IFT172: variants seen among roughly 807,000 people sequenced by gnomAD.
IFT172 encodes the protein intraflagellar transport 172.
Under a neutral mutation model 248.9 loss-of-function variants are expected in IFT172, and 164 were observed. The observed-to-expected ratio is 0.66, with a 90% CI of 0.58 to 0.75. IFT172 has a LOEUF of 0.75. Ranked by LOEUF, IFT172 falls within the 30% of genes least tolerant of loss-of-function variation. IFT172 has a pLI of 0.00. For missense variants in IFT172, 1,950 were observed against 2,192.4 expected, an observed-to-expected ratio of 0.89 and a Z score of 2.21; for synonymous variants, 729 against 791.6, an observed-to-expected ratio of 0.92 and a Z score of 1.33.
chr2:27,453,513 C>T lies in IFT172; in HGVS notation c.3822G>A (p.Arg1274=). ...CTTGTTCCACAAATCCCTCCACACC[C>T]CTGTGGAGATGAGAGCGCTGGGACT... ...YEREATKKGA[R]GVEGFVEQAR... Residue 1274 remains arginine (R), a splice_region_variant and synonymous_variant, in exon 35 of 48, where the codon AGG becomes AGA. Coordinates refer to ENST00000260570, the MANE Select transcript of IFT172 (RefSeq NM_015662.3). 1 of 1,614,004 alleles carries T rather than the reference C, an allele frequency of 6.2e-7. No homozygotes were observed. The highest frequency in any genetic ancestry group is 8.5e-7 in the Non-Finnish European group (1 of 1,179,868).
At chr2:27,465,604 G>T in intron 17 of IFT172, 86 bp from the exon 18 acceptor site, 1 of 1,531,854 alleles carries the variant, frequency 6.5e-7, no homozygotes, top group Non-Finnish European at 9.0e-7. Flanking sequence ...CAAGGGGAGG[G>T]GGAAGGGCCA....
chr2:27,458,462 C>T lies in IFT172; in HGVS notation c.2878-239G>A, dbSNP rs140851011. On this transcript the variant is annotated intron_variant, in intron 26 of 47. Transcript: ENST00000260570. ...GCTGGGGCATACACTCCCATTACCACGGTAACCACTGGACTCTGAAGTGTA... is the reference window on the plus strand; with the variant it reads ...GCTGGGGCATACACTCCCATTACCATGGTAACCACTGGACTCTGAAGTGTA... Among the ~76,000 whole-genome samples the T allele has an allele frequency of 5.0e-4, 76 of 152,212 alleles. 1 individual carries two copies. The highest frequency in any genetic ancestry group is 3.3e-3 in the Admixed American group (51 of 15,278).
intron 19 of IFT172, 106 bp downstream of exon 19, chr2:27,462,991 G>C (rs973381625): frequency 1.4e-5 from 19 of 1,351,250 alleles, no homozygotes; most frequent in Admixed American, 3.6e-5. Flanking sequence ...GGGTGGGCAG[G>C]GTAAAGGAAA....
chr2:27,445,004 C>T lies in IFT172; in HGVS notation c.5160+10G>A, dbSNP rs766529492. ...TCTCTGCCTTCATTCTCCAAGTCCT[C>T]CTCTCTAACCTTGATGGCCATAAGG... On this transcript the variant is annotated intron_variant, in intron 47 of 47. Transcript: ENST00000260570. The surrounding 1 kb of genome is among the most constrained non-coding windows in gnomAD (Gnocchi z 4.4). The T allele has an allele frequency of 6.2e-6, 10 of 1,612,660 alleles. No homozygotes were observed. Among genetic ancestry groups the T allele is most frequent in the Non-Finnish European group, 8.5e-6 (10 of 1,179,562 alleles).
Position 27,485,398 on chromosome 2 carries a change from G to A in IFT172, c.145C>T (p.Arg49Trp), listed in dbSNP as rs141043554. Residue 49 changes from arginine to tryptophan, a missense_variant, in exon 2 of 48, where the codon CGG becomes TGG. Arg to Trp is a moderately radical substitution (Grantham distance 101). Transcript: ENST00000260570. ...GGTTTGGTGGAGAATTTATCTCTCC[G>A]TTCTCCATGTTCATCATACAGCAAG... ...VVLLYDEHGE[R>W]RDKFSTKPAD... is the part of the protein sequence containing the mutation. The A allele has an allele frequency of 1.4e-4, 225 of 1,613,996 alleles. No individual in the cohort carries two copies. The highest frequency in any genetic ancestry group is 1.8e-4 in the Non-Finnish European group (216 of 1,180,050).
intron 14 of IFT172, among the ~76,000 whole-genome samples, chr2:27,473,552 C>A (rs985111903): frequency 6.6e-6 from 1 of 151,196 alleles, no homozygotes; most frequent in South Asian, 2.1e-4. Flanking sequence ...CCTCGTGATC[C>A]GCCTGTCTCA....
At position 27,445,904 on chromosome 2, in the gene IFT172, C is replaced by G; in HGVS notation, c.4815+25G>C. 1 of 1,614,244 alleles carries G rather than the reference C, an allele frequency of 6.2e-7. No individual in the cohort carries two copies. Among genetic ancestry groups the G allele is most frequent in the Non-Finnish European group, 8.5e-7 (1 of 1,180,050 alleles). On this transcript the variant is annotated intron_variant, in intron 44 of 47. Transcript: ENST00000260570. The surrounding 1 kb of genome is among the most constrained non-coding windows in gnomAD (Gnocchi z 4.4). ...CTCGCGACTGGCAAAAACCTCCACC[C>G]TCGGGGCACAGCTTCCCTACTCACA...
Position 27,450,061 on chromosome 2 carries a change from T to C in IFT172, c.3987A>G (p.Gln1329=), listed in dbSNP as rs768705269. 2.5e-5 allele frequency: 41 copies of C among 1,614,152 alleles called. No individual in the cohort carries two copies. In the East Asian group the frequency reaches 5.3e-4, roughly 21 times the overall value. Residue 1329 remains glutamine, a synonymous_variant, in exon 36 of 48, where the codon CAA becomes CAG. Coordinates refer to ENST00000260570, the MANE Select transcript of IFT172 (RefSeq NM_015662.3). ...CAGCCAGAACGACTTCCATATTACG[T>C]TGGGGAGGCAGAAACTTGATGGAGA... ...AELSIKFLPP[Q]RNMEVVLAVG...
Position 27,483,330 on chromosome 2 carries a change from C to A in IFT172, c.529G>T (p.Val177Phe), listed in dbSNP as rs754880269. 6 of 1,608,174 alleles carry A rather than the reference C, an allele frequency of 3.7e-6. No homozygotes were observed. The highest frequency in any genetic ancestry group is 5.1e-6 in the Non-Finnish European group (6 of 1,174,598). ...CCTTCATCATCAAAGAAATACCTAA[C>A]GATGGTACCATCTGCATGACCAGAG... is the stretch of plus-strand genomic sequence containing the variant. Reference protein sequence around the residue: ...ILSGHADGTIVRYFFDDEGSG... With the variant: ...ILSGHADGTIFRYFFDDEGSG... The change falls in exon 7 of 48, where the codon GTT becomes TTT. Residue 177 changes from valine (V) to phenylalanine (F), a missense_variant. Around this residue, in one of 3 missense-constraint regions of IFT172, gnomAD observed 1,166 missense variants for 1,254.1 expected, o/e 0.93. Coordinates refer to ENST00000260570, the MANE Select transcript of IFT172 (RefSeq NM_015662.3).
At chr2:27,450,241 A>C (rs1444503150) in intron 35 of IFT172, 145 bp from the exon 36 acceptor site, 1 of 611,326 alleles carries the variant, frequency 1.6e-6, no homozygotes, top group African/African-American at 1.9e-5. Flanking sequence ...TCCTGGGCAA[A>C]ACCTGGCTCA....
At chr2:27,452,859 T>C (rs771706993) in intron 35 of IFT172, among the ~76,000 whole-genome samples, 3 of 152,260 alleles carry the variant, frequency 2.0e-5, no homozygotes, top group Non-Finnish European at 4.4e-5. Flanking sequence ...ATCCTGTTGG[T>C]TTCTCCAATA....
chr2:27,456,632 C>T lies in IFT172; in HGVS notation c.3250G>A (p.Ala1084Thr). 6.2e-7 allele frequency: 1 copy of T among 1,613,902 alleles called. No homozygotes were observed. Among genetic ancestry groups the T allele is most frequent in the Non-Finnish European group, 8.5e-7 (1 of 1,179,894 alleles). ...TAGGCCACGTGTTTGTGGGCATTAG[C>T]CCCTCCTTGAGTTCTGGCCACCTGT... The part of the protein sequence containing the change: ...AYRVARTQGG[A>T]NAHKHVAYLW... The change falls in exon 30 of 48, where the codon GCT becomes ACT. Residue 1084 changes from alanine (A) to threonine (T), a missense_variant. Ala to Thr is a moderately conservative substitution (Grantham distance 58, BLOSUM62 0). Around this residue, in one of 3 missense-constraint regions of IFT172, gnomAD observed 164 missense variants for 239.3 expected, o/e 0.69. Transcript: ENST00000260570.
intron 35 of IFT172, chr2:27,453,160 G>A: frequency 1.5e-6 from 1 of 689,148 alleles, no homozygotes; most frequent in Non-Finnish European, 2.7e-6. Context: ...GCCATTTATT[G>A]GTCTAATTCC....
intron 35 of IFT172, among the ~76,000 whole-genome samples, chr2:27,450,994 A>C (rs1665626220): frequency 6.6e-6 from 1 of 151,094 alleles, no homozygotes. Context: ...CTACTAGAAA[A>C]TTTAAATGAC....
intron 16 of IFT172, among the ~76,000 whole-genome samples, chr2:27,469,714 C>T (rs1000268293): frequency 6.6e-6 from 1 of 152,160 alleles, no homozygotes; most frequent in Non-Finnish European, 1.5e-5. Context: ...TACCTGTAAT[C>T]CCAGCTACTT....
intron 11 of IFT172, 94 bp downstream of exon 11, chr2:27,477,901 C>A: frequency 6.7e-7 from 1 of 1,492,602 alleles, no homozygotes. Context: ...GTTAGAACTT[C>A]TCATGGAGAG....
At chr2:27,466,560 T>C (rs1197271020) in intron 16 of IFT172, among the ~76,000 whole-genome samples, 4 of 152,118 alleles carry the variant, frequency 2.6e-5, no homozygotes, top group African/African-American at 4.8e-5. Context: ...GAGGAGAACA[T>C]ATCCATTTTA....
chr2:27,453,206 C>T (rs2148485483), intron 35 of IFT172, 178 bp downstream of exon 35: 2 of 864,560 alleles, frequency 2.3e-6, no homozygotes, highest in Non-Finnish European at 2.0e-6. Context: ...GTCTTATATC[C>T]ACTTTTATAG....
intron 35 of IFT172, among the ~76,000 whole-genome samples, chr2:27,451,989 GTATATA>G (rs68147754): frequency 2.8e-4 from 42 of 148,538 alleles, no homozygotes; most frequent in African/African-American, 7.6e-4. Context: ...ATGTGTGTGT[GTATATA>G]TATATATATA....
Sources: gnomAD v4.1 joint callset for allele counts (sites outside exome capture counted in the v4.1 genomes callset) on GRCh38, gnomAD v4.1.1 for gene constraint, gnomAD v4.1.1 regional missense constraint, Gnocchi (gnomAD v3.1) non-coding constraint, MANE v1.5 for transcripts, NCBI Gene and HGNC (gene_info 2026-07-23, HGNC 2026-07-21) for gene names.